Variants in HUWE1 observed in about 807,000 individuals in gnomAD.
HUWE1 encodes the protein E3 ubiquitin-protein ligase HUWE1.
In HUWE1, 18 loss-of-function variants were observed where a neutral mutation model predicts 299.4. The ratio of observed to expected loss-of-function variants is 0.06; its 90% CI spans 0.04 to 0.09. The LOEUF (loss-of-function observed/expected upper bound fraction) is 0.09. Among genes scored for constraint, HUWE1 ranks in the 10% least tolerant of loss-of-function variants. The pLI is 1.00. For synonymous variants in HUWE1, 1,317 were observed against 1,286.1 expected (o/e 1.02, Z -0.51); for missense variants, 1,832 against 3,462.3 (o/e 0.53, Z 11.82).
chrX:53,644,749 T>C, intron 7 of HUWE1, among the ~76,000 whole-genome samples: 1 of 112,366 alleles, frequency 8.9e-6, no homozygotes, highest in East Asian at 2.8e-4. Flanking sequence ...TTTCCAACAG[T>C]GGGTTACCTC....
rs142606157 is a variant in HUWE1, at chrX:53,645,011, A to G, written c.504+300T>C. On this transcript the variant is annotated intron_variant, in intron 7 of 83. Coordinates refer to ENST00000262854, the MANE Select transcript of HUWE1 (RefSeq NM_031407.7). ...ACTCAAATCTAGATCTTATTATTGCATTATACTTCCTTCTCACACAGAATT... is the reference window on the plus strand; with the variant it reads ...ACTCAAATCTAGATCTTATTATTGCGTTATACTTCCTTCTCACACAGAATT... 0.014 allele frequency among the ~76,000 whole-genome samples: 1,558 copies of G among 112,296 alleles called. 28 individuals are homozygous for G. The highest frequency in any genetic ancestry group is 0.048 in the African/African-American group (1,487 of 30,852).
At chrX:53,679,473 T>G (rs966415676) in intron 3 of HUWE1, among the ~76,000 whole-genome samples, 1 of 111,962 alleles carries the variant, frequency 8.9e-6, no homozygotes, top group Non-Finnish European at 1.9e-5. Flanking sequence ...TATAATCCAT[T>G]GAGGGGGGCA....
At chrX:53,631,262 G>A (rs2066856812) in intron 11 of HUWE1, 152 bp downstream of exon 11, 1 of 510,836 alleles carries the variant, frequency 2.0e-6, no homozygotes. Context: ...TAAAAGACAA[G>A]GAAACTAAGG....
intron 66 of HUWE1, 140 bp from the exon 67 acceptor site, chrX:53,549,645 T>A (rs2061682729): frequency 1.9e-6 from 1 of 525,017 alleles, no homozygotes; most frequent in Non-Finnish European, 3.3e-6. Flanking sequence ...GGGCTCTTCA[T>A]AGTAACAGCT....
chrX:53,562,861 G>T lies in HUWE1; in HGVS notation c.7174C>A (p.Gln2392Lys). 1 of 1,210,901 alleles carries T rather than the reference G, an allele frequency of 8.3e-7. No homozygotes were observed. ...CGGTTGGCCTGCAAGGTGGAAGCTT[G>T]GCTGAGGTTGGAAGGAGCTTCATCC... is the stretch of plus-strand genomic sequence containing the variant. Reference protein sequence around the residue: ...LMDEAPSNLSQASTLQANRED... With the variant: ...LMDEAPSNLSKASTLQANRED... Residue 2392 changes from glutamine to lysine, a missense_variant, in exon 53 of 84, where the codon CAA becomes AAA. By Grantham distance (53) the Gln-to-Lys change is moderately conservative. Coordinates refer to ENST00000262854, the MANE Select transcript of HUWE1 (RefSeq NM_031407.7).
At chrX:53,650,888 A>G (rs1557039600) in intron 4 of HUWE1, among the ~76,000 whole-genome samples, 1 of 111,719 alleles carries the variant, frequency 9.0e-6, no homozygotes, top group Non-Finnish European at 1.9e-5. Context: ...AGGAAATAAG[A>G]GCCAGAAATC....
chrX:53,580,058 G>A (rs1407056331), intron 43 of HUWE1, among the ~76,000 whole-genome samples: 1 of 111,247 alleles, frequency 9.0e-6, no homozygotes, highest in Non-Finnish European at 1.9e-5. Flanking sequence ...GAATTACCAA[G>A]TGACTACTCC....
chrX:53,623,919 G>A (rs1271730411), intron 19 of HUWE1, among the ~76,000 whole-genome samples: 2 of 112,049 alleles, frequency 1.8e-5, no homozygotes, highest in Non-Finnish European at 3.8e-5. Flanking sequence ...CTATTTCCAC[G>A]TCTCCTACTA....
chrX:53,555,667 A>G (rs1194393529), intron 60 of HUWE1, among the ~76,000 whole-genome samples: 1 of 85,137 alleles, frequency 1.2e-5, no homozygotes, highest in Non-Finnish European at 2.2e-5. Context: ...CCTGAGACAG[A>G]GTCTTGCTCT....
intron 49 of HUWE1, among the ~76,000 whole-genome samples, chrX:53,566,031 C>A (rs1556945431): frequency 3.8e-5 from 4 of 105,535 alleles, no homozygotes; most frequent in Non-Finnish European, 7.8e-5. Context: ...CAACCAGGTG[C>A]CCACTAACAC....
At chrX:53,651,067 T>C (rs1418382108) in intron 4 of HUWE1, among the ~76,000 whole-genome samples, 7 of 111,467 alleles carry the variant, frequency 6.3e-5, no homozygotes, top group Admixed American at 1.9e-4. Flanking sequence ...TAATTTCTCC[T>C]GATTTAGCTA....
intron 3 of HUWE1, among the ~76,000 whole-genome samples, chrX:53,679,390 A>G (rs781836714): frequency 8.9e-6 from 1 of 112,599 alleles, no homozygotes; most frequent in South Asian, 3.6e-4. Flanking sequence ...TTGATCTTAT[A>G]TTTAAAGAGC....
In HUWE1 at chrX:53,629,398, A is replaced by G; in HGVS notation, c.963+118T>C. ...GTGTTTAAACTTGGGTCCCATGCCC[A>G]AGATGTCTCATTATGTATATGCAAA... is the stretch of plus-strand genomic sequence containing the variant. On this transcript the variant is annotated intron_variant, in intron 13 of 83. Transcript: ENST00000262854. 5.7e-6 allele frequency: 3 copies of G among 530,906 alleles called. No individual in the cohort carries two copies. In the South Asian group the frequency reaches 7.9e-5, roughly 14 times the overall value. 43.8% of individuals were successfully genotyped at this position (530,906 alleles called of 1,213,427 possible). A position where few individuals can be genotyped will look rare whatever the true frequency, so the allele number is the denominator to read the frequency against.
chrX:53,577,522 C>CTCTCT (rs2063186722), intron 43 of HUWE1, among the ~76,000 whole-genome samples: 1 of 80,726 alleles, frequency 1.2e-5, no homozygotes, highest in Admixed American at 1.4e-4. Flanking sequence ...TCTCCCTCTC[C>CTCTCT]CTCCCTCTCC....
chrX:53,613,676 A>G (rs782754726), intron 23 of HUWE1, among the ~76,000 whole-genome samples: 1 of 111,801 alleles, frequency 8.9e-6, no homozygotes, highest in Non-Finnish European at 1.9e-5. Context: ...ATTCTTGACT[A>G]TTTACAGTCA....
chrX:53,533,187 C>G lies in HUWE1; in HGVS notation c.*122G>C. On this transcript the variant is annotated 3_prime_UTR_variant, in exon 84 of 84. Coordinates refer to ENST00000262854, the MANE Select transcript of HUWE1 (RefSeq NM_031407.7). ...GAAGATGGGGCAGCTGGGACACACA[C>G]GGTGAGTTGGTGGATTTCATTTATT... is the stretch of plus-strand genomic sequence containing the variant. 1.9e-6 allele frequency: 1 copy of G among 512,927 alleles called. No individual in the cohort carries two copies. The highest frequency in any genetic ancestry group is 2.7e-5 in the South Asian group (1 of 37,132). The allele number at this position is 512,927 out of a possible 1,213,427, so 42.3% of individuals were successfully genotyped here.
intron 7 of HUWE1, among the ~76,000 whole-genome samples, chrX:53,636,812 A>G (rs1248523105): frequency 3.6e-5 from 4 of 111,978 alleles, no homozygotes; most frequent in Non-Finnish European, 7.5e-5. Flanking sequence ...AAATACTGGA[A>G]ATTACCTAAG....
At chrX:53,559,871 T>C (rs1380449073) in intron 56 of HUWE1, among the ~76,000 whole-genome samples, 1 of 112,247 alleles carries the variant, frequency 8.9e-6, no homozygotes, top group Non-Finnish European at 1.9e-5. Context: ...TAAGATTGTT[T>C]GTCTCACTAA....
intron 60 of HUWE1, chrX:53,556,345 A>G (rs2062018444): frequency 2.9e-6 from 1 of 343,361 alleles, no homozygotes; most frequent in African/African-American, 2.6e-5. Context: ...GAATCCTCTA[A>G]TAAGGGCAGC....
Sources: allele counts gnomAD v4.1 joint callset (sites outside exome capture counted in the v4.1 genomes callset), GRCh38; gene constraint gnomAD v4.1.1; transcripts MANE v1.5; gene names NCBI Gene and HGNC (gene_info 2026-07-23, HGNC 2026-07-21).